Variants in COL24A1 observed in about 807,000 individuals in gnomAD.
The protein encoded by COL24A1 is collagen alpha-1(XXIV) chain.
In COL24A1, 224 loss-of-function variants were observed where a neutral mutation model predicts 253.9. The observed-to-expected ratio is 0.88, with a 90% CI of 0.79 to 0.99. COL24A1 has a LOEUF of 0.99. Among genes scored for constraint, COL24A1 ranks in the 50% least tolerant of loss-of-function variants. The pLI, the probability that COL24A1 is intolerant of heterozygous loss-of-function variation, is 0.00. For missense variants in COL24A1, 2,131 were observed against 2,068.5 expected (o/e 1.03, Z -0.59); for synonymous variants, 685 against 673.7 (o/e 1.02, Z -0.26).
At chr1:86,135,143 T>C (rs1314025619) in intron 2 of COL24A1, among the ~76,000 whole-genome samples, 1 of 146,072 alleles carries the variant, frequency 6.8e-6, no homozygotes, top group South Asian at 2.3e-4. Flanking sequence ...TGGTTTAAAG[T>C]CTGTTTTATC....
rs1301638550 is a variant in COL24A1, at chr1:86,057,860, TAA to T, written c.1851+69_1851+70del. On this transcript the variant is annotated intron_variant, in intron 10 of 59. Coordinates refer to ENST00000370571, the MANE Select transcript of COL24A1 (RefSeq NM_152890.7). ...AGCTACTAAGAGAGTGTAAAAATGC[TAA>T]GTGTTTTATATATTTCATTCTACTT... 2.2e-6 allele frequency: 3 copies of T among 1,360,532 alleles called. No individual in the cohort carries two copies. In the African/African-American group the frequency reaches 4.3e-5, roughly 20 times the overall value. The allele number at this position is 1,360,532 out of a possible 1,614,324, so 84.3% of individuals were successfully genotyped here.
In COL24A1 at chr1:86,125,865, A is replaced by G. The variant is rs756498314; in HGVS notation, c.471T>C (p.Ser157=). The G allele has an allele frequency of 2.5e-6, 4 of 1,613,296 alleles. No homozygotes were observed. Among genetic ancestry groups the G allele is most frequent in the Non-Finnish European group, 3.4e-6 (4 of 1,179,704 alleles). The part of the protein sequence containing the change: ...RGKQPAVFNY[S]VHDEQWHSFA... ...ATGAGTGCCATTGCTCATCATGAACACTGTAGTTGAAAACTGCAGGCTGCT... is the reference window on the plus strand; with the variant it reads ...ATGAGTGCCATTGCTCATCATGAACGCTGTAGTTGAAAACTGCAGGCTGCT... Residue 157 remains serine, a synonymous_variant, in exon 3 of 60, where the codon AGT becomes AGC. Transcript: ENST00000370571.
intron 28 of COL24A1, among the ~76,000 whole-genome samples, chr1:85,897,539 G>A (rs1683870337): frequency 6.6e-6 from 1 of 152,102 alleles, no homozygotes; most frequent in Non-Finnish European, 1.5e-5. Flanking sequence ...GATGGCAGGG[G>A]CACAGAAAAG....
chr1:85,804,327 G>A (rs2101817359), intron 47 of COL24A1, among the ~76,000 whole-genome samples: 1 of 152,258 alleles, frequency 6.6e-6, no homozygotes, highest in African/African-American at 2.4e-5. Context: ...TACACACTTG[G>A]TTATTATGTT....
chr1:85,838,719 T>C, intron 42 of COL24A1, 81 bp from the exon 43 acceptor site: 1 of 1,300,838 alleles, frequency 7.7e-7, no homozygotes, highest in South Asian at 1.3e-5. Flanking sequence ...ATTAGTGTTG[T>C]TTATTCTTTT....
In COL24A1 at chr1:86,087,719, C is replaced by A. The variant is rs1016804907; in HGVS notation, c.1707+1455G>T. 2.0e-5 allele frequency among the ~76,000 whole-genome samples: 3 copies of A among 152,178 alleles called. No homozygotes were observed. In the East Asian group the frequency reaches 5.8e-4, roughly 29 times the overall value. On this transcript the variant is annotated intron_variant, in intron 7 of 59. Transcript: ENST00000370571. Reference sequence around the variant, plus strand: ...TCTTCTTTGATGATATATGTCAGTACAATCTCCTAAGAGATATGAGTAGTC... The same window carrying A: ...TCTTCTTTGATGATATATGTCAGTAAAATCTCCTAAGAGATATGAGTAGTC...
intron 57 of COL24A1, among the ~76,000 whole-genome samples, chr1:85,741,263 T>C (rs550534364): frequency 2.6e-5 from 4 of 152,188 alleles, no homozygotes; most frequent in Non-Finnish European, 5.9e-5. Flanking sequence ...TTCTCATTCA[T>C]GGTGTTGTGT....
At chr1:86,020,446 A>T (rs891529236) in intron 18 of COL24A1, among the ~76,000 whole-genome samples, 1 of 152,148 alleles carries the variant, frequency 6.6e-6, no homozygotes, top group Non-Finnish European at 1.5e-5. Context: ...TAAGTGCCAG[A>T]GCTGGGACCA....
At chr1:86,029,297 A>G (rs1698331746) in intron 14 of COL24A1, among the ~76,000 whole-genome samples, 1 of 152,198 alleles carries the variant, frequency 6.6e-6, no homozygotes, top group Non-Finnish European at 1.5e-5. Flanking sequence ...ACCTGGCTTC[A>G]AATCTGGGCT....
chr1:85,957,058 C>T (rs991203013), intron 24 of COL24A1, among the ~76,000 whole-genome samples: 3 of 152,066 alleles, frequency 2.0e-5, no homozygotes, highest in Admixed American at 1.3e-4. Context: ...GAGTTCATGT[C>T]GTACCATCAT....
chr1:85,871,475 G>A (rs1362534260), intron 35 of COL24A1, among the ~76,000 whole-genome samples: 1 of 152,114 alleles, frequency 6.6e-6, no homozygotes, highest in Non-Finnish European at 1.5e-5. Context: ...AAATCCAGCA[G>A]CACATCAAAA....
At chr1:86,079,642 GAT>G (rs1702496552) in intron 7 of COL24A1, among the ~76,000 whole-genome samples, 1 of 152,126 alleles carries the variant, frequency 6.6e-6, no homozygotes, top group South Asian at 2.1e-4. Context: ...GATTTGAACA[GAT>G]ATTTTTCAAA....
At chr1:86,019,422 T>TGGTAGTGGACCATACCCA (rs1697285768) in intron 18 of COL24A1, among the ~76,000 whole-genome samples, 1 of 150,198 alleles carries the variant, frequency 6.7e-6, no homozygotes, top group Non-Finnish European at 1.5e-5. Flanking sequence ...TAGCTGGGTA[T>TGGTAGTGGACCATACCCA]GGTGGTGGAC....
chr1:86,007,487 AT>A (rs1696084523), intron 19 of COL24A1, among the ~76,000 whole-genome samples: 1 of 152,164 alleles, frequency 6.6e-6, no homozygotes, highest in Non-Finnish European at 1.5e-5. Flanking sequence ...GGAGTTGAAA[AT>A]TTATGTCCAC....
intron 11 of COL24A1, among the ~76,000 whole-genome samples, chr1:86,049,048 A>T (rs1205637255): frequency 6.6e-6 from 1 of 152,220 alleles, no homozygotes; most frequent in Non-Finnish European, 1.5e-5. Context: ...GAAGTAGCAG[A>T]TCAATTCTCT....
At chr1:85,830,007 C>T (rs891166226) in intron 43 of COL24A1, among the ~76,000 whole-genome samples, 1 of 151,712 alleles carries the variant, frequency 6.6e-6, no homozygotes, top group Non-Finnish European at 1.5e-5. Context: ...CTCTACTTTT[C>T]AGAGTTTCCA....
At chr1:85,858,621 C>CCTTCCTTCCTTCCTTCTTTCCTTCCT (rs1553201493) in intron 37 of COL24A1, among the ~76,000 whole-genome samples, 1 of 113,270 alleles carries the variant, frequency 8.8e-6, no homozygotes, top group African/African-American at 3.1e-5. Context: ...TATTTTCTCC[C>CCTTCCTTCCTTCCTTCTTTCCTTCCT]TCCTTCCTTC....
rs766789260 is a variant in COL24A1, at chr1:85,868,473, G to T, written c.3300+46C>A. 5 of 1,345,390 alleles carry T rather than the reference G, an allele frequency of 3.7e-6. No homozygotes were observed. The East Asian group carries it at 1.1e-4, about 31-fold the overall frequency. The allele number at this position is 1,345,390 out of a possible 1,614,324, so 83.3% of individuals were successfully genotyped here. A position where few individuals can be genotyped will look rare whatever the true frequency, so the allele number is the denominator to read the frequency against. ...GGTTTGTGCATGTGTACACATACAG[G>T]CAGTGAATTCACTTAGTATTTGAAA... is the stretch of plus-strand genomic sequence containing the variant. On this transcript the variant is annotated intron_variant, in intron 37 of 59. Transcript: ENST00000370571.
At chr1:85,770,134 T>C (rs920213416) in intron 53 of COL24A1, among the ~76,000 whole-genome samples, 5 of 152,180 alleles carry the variant, frequency 3.3e-5, no homozygotes, top group Non-Finnish European at 7.3e-5. Context: ...TTGCTTCCTG[T>C]TACAATAAAT....
Sources: gnomAD v4.1 joint callset for allele counts (sites outside exome capture counted in the v4.1 genomes callset) on GRCh38, gnomAD v4.1.1 for gene constraint, MANE v1.5 for transcripts, NCBI Gene and HGNC (gene_info 2026-07-23, HGNC 2026-07-21) for gene names.